Variants in EIF3I observed in about 807,000 individuals in gnomAD.
EIF3I encodes the protein eukaryotic translation initiation factor 3 subunit I.
Under a neutral mutation model 43.3 loss-of-function variants are expected in EIF3I, and 20 were observed. The ratio of observed to expected loss-of-function variants is 0.46; its 90% CI spans 0.32 to 0.67. EIF3I has a LOEUF of 0.67. EIF3I is among the 30% of genes least tolerant of loss of function. The pLI, the probability that EIF3I is intolerant of heterozygous loss-of-function variation, is 0.03. For synonymous variants in EIF3I, 167 were observed against 151.7 expected, an observed-to-expected ratio of 1.10 and a Z score of -0.74; for missense variants, 279 against 421.4, an observed-to-expected ratio of 0.66 and a Z score of 2.96.
intron 9 of EIF3I, among the ~76,000 whole-genome samples, 190 bp downstream of exon 9, chr1:32,229,398 C>G (rs1639198580): frequency 6.6e-6 from 1 of 151,880 alleles, no homozygotes; most frequent in African/African-American, 2.4e-5. Flanking sequence ...GCGCCCACCA[C>G]CATGCCTGGC....
chr1:32,228,272 GCTTTT>G (rs879822089), intron 6 of EIF3I, among the ~76,000 whole-genome samples: 2 of 152,172 alleles, frequency 1.3e-5, no homozygotes, highest in Admixed American at 1.3e-4. Context: ...CCTTCCAACA[GCTTTT>G]GCAGTTTATG....
At chr1:32,226,055 T>C in intron 4 of EIF3I, 116 bp from the exon 5 acceptor site, 1 of 1,351,508 alleles carries the variant, frequency 7.4e-7, no homozygotes, top group East Asian at 2.4e-5. Context: ...TTAAAATACT[T>C]TTTAAGTTTG....
downstream of EIF3I, chr1:32,234,291 C>A (rs1196965918): frequency 7.5e-6 from 1 of 132,482 alleles, no homozygotes; most frequent in East Asian, 2.2e-4. Context: ...GGTGACAGAG[C>A]GAGACTTCAT....
chr1:32,235,327 T>A (rs993367688), downstream of EIF3I: 5 of 152,426 alleles, frequency 3.3e-5, no homozygotes, highest in Non-Finnish European at 7.3e-5. Flanking sequence ...GTTCTGTCCA[T>A]GAAATGGTTT....
downstream of EIF3I, chr1:32,231,369 T>TA: frequency 5.5e-6 from 3 of 548,716 alleles, no homozygotes; most frequent in South Asian, 5.9e-5. Flanking sequence ...CACACGCCTA[T>TA]AGTCCCAGCT....
intron 8 of EIF3I, 40 bp from the exon 9 acceptor site, chr1:32,229,095 G>A (rs1639193598): frequency 1.3e-6 from 2 of 1,573,862 alleles, no homozygotes; most frequent in Admixed American, 1.9e-5. Flanking sequence ...AATGGACTTG[G>A]TGTCCATTGG....
chr1:32,229,697 C>T (rs542241105), intron 9 of EIF3I, among the ~76,000 whole-genome samples: 2 of 151,964 alleles, frequency 1.3e-5, no homozygotes, highest in South Asian at 4.2e-4. Context: ...ATTACAGGCA[C>T]CCATGACCAC....
Position 32,231,030 on chromosome 1 carries a change from A to T in EIF3I, c.1007+11A>T. The T allele has an allele frequency of 1.2e-6, 2 of 1,613,722 alleles. No homozygotes were observed. The highest frequency in any genetic ancestry group is 1.7e-6 in the Non-Finnish European group (2 of 1,179,706). ...TCCTGATGGCAAGAGGTAGGGTACCAGTGAAGCAGCTGACCTAAGCCTGGG... is the reference window on the plus strand; with the variant it reads ...TCCTGATGGCAAGAGGTAGGGTACCTGTGAAGCAGCTGACCTAAGCCTGGG... On this transcript the variant is annotated intron_variant, in intron 11 of 11. Coordinates refer to ENST00000676679, the Ensembl canonical transcript of EIF3I.
At chr1:32,227,536 G>A (rs1014614169) in intron 6 of EIF3I, among the ~76,000 whole-genome samples, 3 of 152,120 alleles carry the variant, frequency 2.0e-5, no homozygotes, top group Admixed American at 6.5e-5. Flanking sequence ...AACACTTTGG[G>A]AGGCTGTGGC....
downstream of EIF3I, among the ~76,000 whole-genome samples, chr1:32,236,039 C>T (rs1313724701): frequency 2.0e-5 from 3 of 152,166 alleles, no homozygotes; most frequent in Non-Finnish European, 4.4e-5. Context: ...CTCGACACTC[C>T]CACCATACCA....
At chr1:32,227,422 C>T (rs1387635934) in intron 6 of EIF3I, among the ~76,000 whole-genome samples, 1 of 151,576 alleles carries the variant, frequency 6.6e-6, no homozygotes, top group Non-Finnish European at 1.5e-5. Flanking sequence ...TAAAATGTTT[C>T]AAGGATCAAA....
At chr1:32,235,930 C>T (rs918548939), downstream of EIF3I, among the ~76,000 whole-genome samples, 2 of 152,216 alleles carry the variant, frequency 1.3e-5, no homozygotes, top group Non-Finnish European at 2.9e-5. Flanking sequence ...AATCTAACAG[C>T]GACTTCTCAG....
chr1:32,226,497 T>C (rs1192668600), exon 6 of EIF3I: 2 of 1,585,568 alleles, frequency 1.3e-6, no homozygotes, highest in Non-Finnish European at 1.7e-6. Flanking sequence ...TCGCTGGCCA[T>C]GAGAGTGGAG....
intron 4 of EIF3I, 150 bp downstream of exon 4, chr1:32,224,625 A>G (rs1307196719): frequency 7.4e-6 from 4 of 537,192 alleles, no homozygotes; most frequent in East Asian, 3.2e-5. Context: ...GAGAAAATAC[A>G]CGCCATGGTA....
intron 10 of EIF3I, 127 bp from the exon 10 acceptor site, chr1:32,230,800 G>C (rs1177658221): frequency 1.4e-6 from 1 of 702,242 alleles, no homozygotes; most frequent in Non-Finnish European, 2.3e-6. Context: ...CTCCACCCTG[G>C]GTGACAGAGT....
At chr1:32,224,179 T>C (rs1639100712) in intron 3 of EIF3I, 58 bp downstream of exon 3, 2 of 1,577,110 alleles carry the variant, frequency 1.3e-6, no homozygotes, top group Admixed American at 3.3e-5. Context: ...ATGGAGAGGC[T>C]GAGTTGGGAG....
chr1:32,235,845 C>G (rs542348335), downstream of EIF3I, among the ~76,000 whole-genome samples: 4 of 152,352 alleles, frequency 2.6e-5, no homozygotes, highest in South Asian at 6.2e-4. Flanking sequence ...AAACACAGTT[C>G]TCTTGGAATT....
chr1:32,226,039 G>T, intron 4 of EIF3I, 132 bp from the exon 5 acceptor site: 8 of 1,175,006 alleles, frequency 6.8e-6, no homozygotes, highest in South Asian at 1.7e-5. Flanking sequence ...AAAAAAAAAA[G>T]AAAAGTTAAA....
chr1:32,228,622 A>G lies in EIF3I; in HGVS notation c.639+13A>G. On this transcript the variant is annotated intron_variant, in intron 7 of 11. Coordinates refer to ENST00000676679, the Ensembl canonical transcript of EIF3I. ...CAACACAGCCAAGGTGAGCCTGGGC[A>G]GCGGTCTGGCAGGGCTGCTCCCTCC... is the stretch of plus-strand genomic sequence containing the variant. 6.2e-7 allele frequency: 1 copy of G among 1,612,906 alleles called. No homozygotes were observed.
Sources: gnomAD v4.1 joint callset for allele counts (sites outside exome capture counted in the v4.1 genomes callset) on GRCh38, gnomAD v4.1.1 for gene constraint, MANE v1.5 for transcripts, NCBI Gene and HGNC (gene_info 2026-07-23, HGNC 2026-07-21) for gene names.